Variants in KCNK3 observed in about 807,000 individuals in gnomAD.
KCNK3 encodes the protein potassium two pore domain channel subfamily K member 3.
In KCNK3, 9 loss-of-function variants were observed where a neutral mutation model predicts 27.3. The ratio of observed to expected loss-of-function variants is 0.33; its 90% confidence interval spans 0.20 to 0.57. The LOEUF is 0.57. Ranked by LOEUF, KCNK3 falls within the 20% of genes least tolerant of loss-of-function variation. The pLI, the probability that KCNK3 is intolerant of heterozygous loss-of-function variation, is 0.87. For missense variants in KCNK3, 391 were observed against 577.7 expected (o/e 0.68, Z 3.31); for synonymous variants, 278 against 273.8 (o/e 1.02, Z -0.15).
chr2:26,704,887 G>C (rs1312697708), intron 1 of KCNK3, among the ~76,000 whole-genome samples: 1 of 152,262 alleles, frequency 6.6e-6, no homozygotes, highest in Non-Finnish European at 1.5e-5. Flanking sequence ...TTCATCAGGA[G>C]GTTACTCTGG....
At position 26,692,953 on chromosome 2, in the gene KCNK3, C is replaced by T; in HGVS notation, c.78C>T (p.Phe26=). Residue 26 remains phenylalanine (F), a synonymous_variant, in exon 1 of 2, where the codon TTC becomes TTT. Coordinates refer to ENST00000302909, the MANE Select transcript of KCNK3 (RefSeq NM_002246.3). This position sits in a 1 kb window ranked among gnomAD's most constrained non-coding sequence, Gnocchi z 5.6. Reference sequence around the variant, plus strand: ...ACCTGCTGGTGGGCGCCGCGGTCTTCGACGCGCTGGAGTCGGAGCCCGAGC... The same window carrying T: ...ACCTGCTGGTGGGCGCCGCGGTCTTTGACGCGCTGGAGTCGGAGCCCGAGC... The part of the protein sequence containing the change: ...FTYLLVGAAV[F]DALESEPELI... 6.4e-7 allele frequency: 1 copy of T among 1,557,140 alleles called. No individual in the cohort carries two copies. Among genetic ancestry groups the T allele is most frequent in the Non-Finnish European group, 8.7e-7 (1 of 1,155,620 alleles).
chr2:26,718,825 C>G (rs1663277729), intron 1 of KCNK3, among the ~76,000 whole-genome samples: 1 of 152,136 alleles, frequency 6.6e-6, no homozygotes, highest in Non-Finnish European at 1.5e-5. Context: ...CCAGGTTCGT[C>G]TCGGATTCCT....
chr2:26,699,318 T>C (rs890131571), intron 1 of KCNK3, among the ~76,000 whole-genome samples: 6 of 152,110 alleles, frequency 3.9e-5, no homozygotes. Context: ...CAGAGATCTT[T>C]CTGACTGTGC....
chr2:26,704,789 T>A (rs899845832), intron 1 of KCNK3, among the ~76,000 whole-genome samples: 1 of 152,258 alleles, frequency 6.6e-6, no homozygotes, highest in Non-Finnish European at 1.5e-5. Context: ...TGCCCTGGAC[T>A]GTTCCACACA....
At chr2:26,694,843 C>T (rs972388377) in intron 1 of KCNK3, among the ~76,000 whole-genome samples, 34 of 152,172 alleles carry the variant, frequency 2.2e-4, no homozygotes, top group Admixed American at 1.2e-3. Context: ...CTTTTCCACA[C>T]GTCAAGCCTT....
chr2:26,692,857 C>A lies in KCNK3; in HGVS notation c.-19C>A. On this transcript the variant is annotated 5_prime_UTR_variant, in exon 1 of 2. Transcript: ENST00000302909. This position sits in a 1 kb window ranked among gnomAD's most constrained non-coding sequence, Gnocchi z 5.6. The stretch of plus-strand genomic sequence containing the variant: ...CGGGCCGGGGGCGCCGGGGGGCCGG[C>A]GGCGGCCCGGGCGGGACGATGAAGC... The A allele has an allele frequency of 2.5e-6, 3 of 1,222,886 alleles. No individual in the cohort carries two copies. In the East Asian group the frequency reaches 9.7e-5, roughly 40 times the overall value. 75.8% of individuals were successfully genotyped at this position (1,222,886 alleles called of 1,614,324 possible).
At chr2:26,702,042 A>G (rs988984430) in intron 1 of KCNK3, among the ~76,000 whole-genome samples, 1 of 152,118 alleles carries the variant, frequency 6.6e-6, no homozygotes, top group Non-Finnish European at 1.5e-5. Context: ...TTTTGTACAG[A>G]TTATTTCATC....
Position 26,728,483 on chromosome 2 carries a change from C to A in KCNK3, c.1100C>A (p.Pro367Gln), listed in dbSNP as rs1391985757. 6.5e-7 allele frequency: 1 copy of A among 1,542,084 alleles called. No homozygotes were observed. The highest frequency in any genetic ancestry group is 8.8e-7 in the Non-Finnish European group (1 of 1,141,566). Residue 367 changes from proline to glutamine, a missense_variant, in exon 2 of 2, where the codon CCA becomes CAA. Physicochemically the swap from Pro to Gln is moderately conservative, Grantham distance 76. Coordinates refer to ENST00000302909, the MANE Select transcript of KCNK3 (RefSeq NM_002246.3). ...PSRRCLCSGA[P>Q]RSAISSVSTG... is the part of the protein sequence containing the mutation. ...CGACGCTGCCTGTGCAGCGGGGCGC[C>A]ACGCTCCGCCATCAGCTCGGTGTCC...
intron 1 of KCNK3, among the ~76,000 whole-genome samples, chr2:26,715,141 C>T (rs1663206220): frequency 1.3e-5 from 2 of 152,230 alleles, no homozygotes; most frequent in Non-Finnish European, 2.9e-5. Context: ...CTGAGCTTGT[C>T]CCCTGGCTCA....
intron 1 of KCNK3, among the ~76,000 whole-genome samples, chr2:26,723,421 CA>C (rs1370162953): frequency 6.6e-6 from 1 of 152,182 alleles, no homozygotes; most frequent in Non-Finnish European, 1.5e-5. Context: ...TTTACACTAA[CA>C]ATTAATTTTT....
chr2:26,697,015 T>C (rs1346016625), intron 1 of KCNK3, among the ~76,000 whole-genome samples: 1 of 152,220 alleles, frequency 6.6e-6, no homozygotes, highest in Admixed American at 6.5e-5. Context: ...TACCCCCTTA[T>C]TTAATTCTCT....
At chr2:26,695,432 CA>C (rs1670222659) in intron 1 of KCNK3, among the ~76,000 whole-genome samples, 1 of 152,190 alleles carries the variant, frequency 6.6e-6, no homozygotes, top group Non-Finnish European at 1.5e-5. Context: ...AGGTCCAGCT[CA>C]AATCCCCCCT....
chr2:26,725,331 G>A (rs901407507), intron 1 of KCNK3, among the ~76,000 whole-genome samples: 2 of 152,132 alleles, frequency 1.3e-5, no homozygotes, highest in African/African-American at 4.8e-5. Flanking sequence ...GGCGGGCAGC[G>A]AGGGTGGGGG....
In KCNK3 at chr2:26,692,728, G is replaced by A. The variant is rs979505124; in HGVS notation, c.-148G>A. 6.9e-3 allele frequency: 1,819 copies of A among 264,168 alleles called. 14 individuals are homozygous for A. The highest frequency in any genetic ancestry group is 9.5e-3 in the Non-Finnish European group (1,643 of 172,338). The allele number at this position is 264,168 out of a possible 1,614,324, so 16.4% of individuals were successfully genotyped here. On this transcript the variant is annotated 5_prime_UTR_variant, in exon 1 of 2. Transcript: ENST00000302909. The surrounding 1 kb of genome is among the most constrained non-coding windows in gnomAD (Gnocchi z 5.6). Reference sequence around the variant, plus strand: ...ACAGCTCCGCGGCGGCGGCGGCGGCGGCGGCCCCGGGCGCTGAGCGGGTGC... The same window carrying A: ...ACAGCTCCGCGGCGGCGGCGGCGGCAGCGGCCCCGGGCGCTGAGCGGGTGC...
In KCNK3 at chr2:26,729,368, A is replaced by G. The variant is rs1663494388; in HGVS notation, c.*800A>G. On this transcript the variant is annotated 3_prime_UTR_variant, in exon 2 of 2. Coordinates refer to ENST00000302909, the MANE Select transcript of KCNK3 (RefSeq NM_002246.3). Reference sequence around the variant, plus strand: ...AGACTCACCATAATTGCTGATAATTACCCACTCTTAAATTTGTCGAGTGAT... The same window carrying G: ...AGACTCACCATAATTGCTGATAATTGCCCACTCTTAAATTTGTCGAGTGAT... 6.6e-6 allele frequency: 1 copy of G among 152,204 alleles called. No individual in the cohort carries two copies. The highest frequency in any genetic ancestry group is 1.5e-5 in the Non-Finnish European group (1 of 68,044). The allele number at this position is 152,204 out of a possible 1,614,324, so 9.4% of individuals were successfully genotyped here.
At chr2:26,707,596 T>C (rs1670391810) in intron 1 of KCNK3, among the ~76,000 whole-genome samples, 1 of 152,168 alleles carries the variant, frequency 6.6e-6, no homozygotes, top group Admixed American at 6.5e-5. Context: ...TTTTGGGGCC[T>C]GGTGTGATTC....
intron 1 of KCNK3, among the ~76,000 whole-genome samples, chr2:26,718,324 C>G (rs1048993529): frequency 2.6e-5 from 4 of 152,186 alleles, no homozygotes; most frequent in African/African-American, 9.7e-5. Context: ...CATTCCTGAA[C>G]CCACCCTTGA....
intron 1 of KCNK3, among the ~76,000 whole-genome samples, chr2:26,702,801 T>C (rs1572603626): frequency 6.6e-6 from 1 of 152,142 alleles, no homozygotes; most frequent in African/African-American, 2.4e-5. Context: ...AAATTTGAGA[T>C]CCATACGGCA....
chr2:26,692,761 G>A lies in KCNK3; in HGVS notation c.-115G>A. The A allele has an allele frequency of 2.0e-6, 1 of 511,440 alleles. No individual in the cohort carries two copies. Among genetic ancestry groups the A allele is most frequent in the Non-Finnish European group, 2.5e-6 (1 of 398,560 alleles). The allele number at this position is 511,440 out of a possible 1,614,324, so 31.7% of individuals were successfully genotyped here. A position where few individuals can be genotyped will look rare whatever the true frequency, so the allele number is the denominator to read the frequency against. On this transcript the variant is annotated 5_prime_UTR_variant, in exon 1 of 2. Coordinates refer to ENST00000302909, the MANE Select transcript of KCNK3 (RefSeq NM_002246.3). This position sits in a 1 kb window ranked among gnomAD's most constrained non-coding sequence, Gnocchi z 5.6. Reference sequence around the variant, plus strand: ...CGGGCGCTGAGCGGGTGCCCGGCGCGGAGAGCGGCGAGCGCAGCCATGCCC... The same window carrying A: ...CGGGCGCTGAGCGGGTGCCCGGCGCAGAGAGCGGCGAGCGCAGCCATGCCC...
Sources: gnomAD v4.1 joint callset for allele counts (sites outside exome capture counted in the v4.1 genomes callset) on GRCh38, gnomAD v4.1.1 for gene constraint, Gnocchi (gnomAD v3.1) non-coding constraint, MANE v1.5 for transcripts, NCBI Gene and HGNC (gene_info 2026-07-23, HGNC 2026-07-21) for gene names.